P3H2: variants seen among roughly 807,000 people sequenced by gnomAD.
The protein encoded by P3H2 is prolyl 3-hydroxylase 2, also known as leprecan-like 1.
In P3H2, 80 loss-of-function variants were observed where a neutral mutation model predicts 87.0. The observed-to-expected ratio is 0.92, with a 90% CI of 0.77 to 1.11. P3H2 has a LOEUF of 1.11. Among genes scored for constraint, P3H2 ranks in the 50% least tolerant of loss-of-function variants. The probability of loss-of-function intolerance (pLI) is 0.00; values close to 1 mark genes in which losing one functional copy is unlikely to be tolerated. For synonymous variants in P3H2, 367 were observed against 359.3 expected (o/e 1.02, Z -0.24); for missense variants, 1,001 against 923.9 (o/e 1.08, Z -1.08).
intron 3 of P3H2, among the ~76,000 whole-genome samples, chr3:189,992,932 T>C (rs1723922435): frequency 6.6e-6 from 1 of 152,202 alleles, no homozygotes; most frequent in South Asian, 2.1e-4. Context: ...TCTATTTGTG[T>C]TTGTAGATCA....
intron 1 of P3H2, among the ~76,000 whole-genome samples, chr3:189,996,217 A>G (rs1724048016): frequency 6.6e-6 from 1 of 152,204 alleles, no homozygotes; most frequent in Admixed American, 6.5e-5. Context: ...CTAAGTGCCC[A>G]TCAGCAGATG....
At chr3:190,084,980 C>G (rs1727165089) in intron 1 of P3H2, among the ~76,000 whole-genome samples, 1 of 151,612 alleles carries the variant, frequency 6.6e-6, no homozygotes. Flanking sequence ...AGAAAACTAA[C>G]TATAAAGCTT....
At chr3:190,015,938 T>C (rs1362469004) in intron 1 of P3H2, among the ~76,000 whole-genome samples, 1 of 152,166 alleles carries the variant, frequency 6.6e-6, no homozygotes, top group Non-Finnish European at 1.5e-5. Context: ...TGTGTGTGCA[T>C]GTGCATGTGT....
At chr3:189,977,499 G>A (rs1195715635) in intron 8 of P3H2, among the ~76,000 whole-genome samples, 2 of 152,178 alleles carry the variant, frequency 1.3e-5, no homozygotes, top group African/African-American at 4.8e-5. Context: ...ACACAGTTAT[G>A]TTCTCTGCAG....
At chr3:190,096,747 C>T (rs1231995652) in intron 1 of P3H2, among the ~76,000 whole-genome samples, 4 of 152,114 alleles carry the variant, frequency 2.6e-5, no homozygotes, top group African/African-American at 7.2e-5. Context: ...CACAGACACC[C>T]AACTTGGCCA....
chr3:190,056,326 C>T (rs1726152971), intron 1 of P3H2, among the ~76,000 whole-genome samples: 1 of 152,134 alleles, frequency 6.6e-6, no homozygotes, highest in African/African-American at 2.4e-5. Context: ...GAAGCTGTCC[C>T]CCTGATAGAG....
intron 7 of P3H2, among the ~76,000 whole-genome samples, chr3:189,983,693 T>C (rs115787871): frequency 6.6e-6 from 1 of 152,112 alleles, no homozygotes; most frequent in African/African-American, 2.4e-5. Context: ...CACCCAAGGG[T>C]TGAGTTTTTG....
chr3:190,059,869 G>T lies in P3H2; in HGVS notation c.480+60383C>A, dbSNP rs146956097. Among the ~76,000 whole-genome samples the T allele has an allele frequency of 2.0e-5, 3 of 152,144 alleles. No homozygotes were observed. The South Asian group carries it at 6.2e-4, about 32-fold the overall frequency. ...GCTTGGAAAATGAAGATTCCTTCTC[G>T]TCATCTGAGATTTTTTAAAGTCACA... On this transcript the variant is annotated intron_variant, in intron 1 of 14. Transcript: ENST00000319332.
At position 190,065,985 on chromosome 3, in the gene P3H2, T is replaced by C. The variant is rs146272521; in HGVS notation, c.480+54267A>G. On this transcript the variant is annotated intron_variant, in intron 1 of 14. Transcript: ENST00000319332. ...GCCCAATGATCATTCAGGAGTGTGCTATATAATTTCCATGTATTTGCATGG... is the reference window on the plus strand; with the variant it reads ...GCCCAATGATCATTCAGGAGTGTGCCATATAATTTCCATGTATTTGCATGG... Among the ~76,000 whole-genome samples, 3 of 152,172 alleles carry C rather than the reference T, an allele frequency of 2.0e-5. No individual in the cohort carries two copies. The East Asian group carries it at 5.8e-4, about 29-fold the overall frequency.
At chr3:189,977,080 C>T (rs56153306) in intron 8 of P3H2, among the ~76,000 whole-genome samples, 33,219 of 152,058 alleles carry the variant, frequency 0.22, 3,807 homozygotes, top group Admixed American at 0.29. Flanking sequence ...CTCCCCGACT[C>T]CCCCAACTTC....
intron 1 of P3H2, among the ~76,000 whole-genome samples, chr3:190,050,544 T>C (rs1369441773): frequency 6.6e-6 from 1 of 152,194 alleles, no homozygotes; most frequent in Non-Finnish European, 1.5e-5. Context: ...TGTCTTATCA[T>C]TGATTCCAAT....
intron 1 of P3H2, among the ~76,000 whole-genome samples, chr3:190,098,890 T>C (rs563785106): frequency 2.8e-4 from 43 of 152,322 alleles, no homozygotes; most frequent in African/African-American, 1.0e-3. Flanking sequence ...CATTGGATTC[T>C]TCCAGGCATT....
intron 1 of P3H2, among the ~76,000 whole-genome samples, chr3:189,996,734 A>G (rs1434551920): frequency 8.5e-6 from 1 of 117,208 alleles, no homozygotes; most frequent in Non-Finnish European, 1.9e-5. Context: ...AATTATGTAT[A>G]CTTATTATGT....
intron 1 of P3H2, among the ~76,000 whole-genome samples, chr3:190,118,992 C>T (rs1029922360): frequency 3.3e-5 from 5 of 151,618 alleles, no homozygotes; most frequent in African/African-American, 1.2e-4. Flanking sequence ...GTAATCCCAG[C>T]TACTCAGGAG....
chr3:190,066,523 A>C (rs1243799166), intron 1 of P3H2, among the ~76,000 whole-genome samples: 2 of 152,084 alleles, frequency 1.3e-5, no homozygotes, highest in Non-Finnish European at 2.9e-5. Flanking sequence ...AAAAGACTAC[A>C]AATTGGGTTC....
At chr3:190,053,052 T>G (rs1726034047) in intron 1 of P3H2, among the ~76,000 whole-genome samples, 1 of 152,224 alleles carries the variant, frequency 6.6e-6, no homozygotes, top group Non-Finnish European at 1.5e-5. Context: ...ATTTTAGGAT[T>G]CAATCATGTT....
chr3:190,033,874 C>A (rs184227945), intron 1 of P3H2, among the ~76,000 whole-genome samples: 1 of 152,192 alleles, frequency 6.6e-6, no homozygotes, highest in Non-Finnish European at 1.5e-5. Flanking sequence ...CAGGGTAAGA[C>A]AATCTCCTCT....
rs187143713 is a variant in P3H2, at chr3:190,034,951, C to A, written c.481-39509G>T. On this transcript the variant is annotated intron_variant, in intron 1 of 14. Transcript: ENST00000319332. ...GCAACTTCTGCCTCCCAGATTCAAG[C>A]GATTCTCCTGCCTCGGCCTCCTGAG... Among the ~76,000 whole-genome samples the A allele has an allele frequency of 2.6e-3, 390 of 150,570 alleles. 1 individual carries two copies. Among genetic ancestry groups the A allele is most frequent in the South Asian group, 0.017 (81 of 4,768 alleles).
intron 1 of P3H2, 97 bp downstream of exon 1, chr3:190,120,155 G>T (rs1712481240): frequency 7.0e-7 from 1 of 1,434,300 alleles, no homozygotes; most frequent in Non-Finnish European, 9.5e-7. Context: ...GACCCAATTC[G>T]AAAGACTGAA....
Sources: gnomAD v4.1 joint callset for allele counts (sites outside exome capture counted in the v4.1 genomes callset) on GRCh38, gnomAD v4.1.1 for gene constraint, MANE v1.5 for transcripts, NCBI Gene and HGNC (gene_info 2026-07-23, HGNC 2026-07-21) for gene names.